MAP2: variants seen among roughly 807,000 people sequenced by gnomAD.
The protein encoded by MAP2 is microtubule-associated protein 2.
A neutral mutation model predicts 137.6 loss-of-function variants in MAP2; 14 were observed. The ratio of observed to expected loss-of-function variants is 0.10; its 90% CI spans 0.07 to 0.16. The LOEUF (loss-of-function observed/expected upper bound fraction) is 0.16. MAP2 is among the 10% of genes least tolerant of loss of function. The probability of loss-of-function intolerance (pLI) is 1.00; values close to 1 mark genes in which losing one functional copy is unlikely to be tolerated. For synonymous variants in MAP2, 786 were observed against 782.3 expected, an observed-to-expected ratio of 1.00 and a Z score of -0.08; for missense variants, 2,088 against 2,191.5, an observed-to-expected ratio of 0.95 and a Z score of 0.94.
chr2:209,597,418 G>A (rs2081570092), intron 3 of MAP2, among the ~76,000 whole-genome samples: 1 of 152,060 alleles, frequency 6.6e-6, no homozygotes, highest in Admixed American at 6.5e-5. Flanking sequence ...TTTCTAACCA[G>A]TCTTCAAATC....
At chr2:209,622,557 A>G (rs2091447099) in intron 3 of MAP2, among the ~76,000 whole-genome samples, 1 of 152,258 alleles carries the variant, frequency 6.6e-6, no homozygotes, top group Non-Finnish European at 1.5e-5. Flanking sequence ...TAAATTATGT[A>G]TAAATGTTTG....
chr2:209,695,321 A>C lies in MAP2; in HGVS notation c.3151A>C (p.Ser1051Arg), dbSNP rs1335081629. The change falls in exon 8 of 16, where the codon AGT becomes CGT. Residue 1051 changes from serine (S) to arginine (R), a missense_variant. Physicochemically the swap from Ser to Arg is moderately radical, Grantham distance 110. This residue lies in a region of MAP2 where 500 missense variants were observed against 482.9 expected (regional missense o/e 1.04). Transcript: ENST00000682079. ...CCAGGGTCAACTAGATGTTAAAATT[A>C]GTGACTTTGGACAGATGGCTTCAGG... Reference protein sequence around the residue: ...AVQGQLDVKISDFGQMASGLN... With the variant: ...AVQGQLDVKIRDFGQMASGLN... 6.2e-7 allele frequency: 1 copy of C among 1,613,960 alleles called. No individual in the cohort carries two copies. Among genetic ancestry groups the C allele is most frequent in the Non-Finnish European group, 8.5e-7 (1 of 1,179,996 alleles).
chr2:209,695,889 A>G lies in MAP2; in HGVS notation c.3719A>G (p.Glu1240Gly). Reference sequence around the variant, plus strand: ...ATTCAGAGTGAGGAAGAAGAGATAGAAGCCCAGGGAGAATATGATAAACTG... The same window carrying G: ...ATTCAGAGTGAGGAAGAAGAGATAGGAGCCCAGGGAGAATATGATAAACTG... The part of the protein sequence containing the change: ...AEIQSEEEEI[E>G]AQGEYDKLLF... Residue 1240 changes from glutamate to glycine, a missense_variant, in exon 8 of 16, where the codon GAA becomes GGA. Glu to Gly is a moderately conservative substitution (Grantham distance 98). Transcript: ENST00000682079. 8 of 1,614,134 alleles carry G rather than the reference A, an allele frequency of 5.0e-6. No individual in the cohort carries two copies. Among genetic ancestry groups the G allele is most frequent in the Non-Finnish European group, 6.8e-6 (8 of 1,180,014 alleles).
At chr2:209,456,162 C>A (rs922334366) in intron 1 of MAP2, among the ~76,000 whole-genome samples, 1 of 152,006 alleles carries the variant, frequency 6.6e-6, no homozygotes, top group African/African-American at 2.4e-5. Flanking sequence ...AAGGTACATC[C>A]GAGGTGCTAA....
At chr2:209,712,656 G>GA (rs34254147) in intron 13 of MAP2, among the ~76,000 whole-genome samples, 1 of 152,102 alleles carries the variant, frequency 6.6e-6, no homozygotes, top group Admixed American at 6.5e-5. Context: ...GTCTTTGTAG[G>GA]AAAAACATAT....
At chr2:209,595,845 T>C (rs2081135058) in intron 3 of MAP2, among the ~76,000 whole-genome samples, 1 of 152,090 alleles carries the variant, frequency 6.6e-6, no homozygotes, top group Admixed American at 6.5e-5. Flanking sequence ...CTGAGCAAAC[T>C]ATCACAAAGA....
intron 4 of MAP2, among the ~76,000 whole-genome samples, chr2:209,630,249 T>C (rs2092846983): frequency 6.6e-6 from 1 of 151,868 alleles, no homozygotes; most frequent in Admixed American, 6.6e-5. Context: ...GAACTAAACA[T>C]CAGCCAGGAA....
intron 4 of MAP2, among the ~76,000 whole-genome samples, chr2:209,626,745 T>A (rs1451881162): frequency 1.3e-5 from 2 of 152,214 alleles, no homozygotes; most frequent in Non-Finnish European, 2.9e-5. Flanking sequence ...ATGTAGAGAT[T>A]CTTTCATATC....
intron 9 of MAP2, 54 bp downstream of exon 9, chr2:209,696,802 T>G: frequency 6.4e-7 from 1 of 1,565,694 alleles, no homozygotes. Context: ...TCATTATTAC[T>G]TTTTTGCAGA....
rs777972905 is a variant in MAP2, at chr2:209,704,502, G to T, written c.4585-1078G>T. The T allele has an allele frequency of 6.8e-6, 11 of 1,612,806 alleles. No homozygotes were observed. In the South Asian group the frequency reaches 1.2e-4, roughly 18 times the overall value. On this transcript the variant is annotated intron_variant, in intron 11 of 15. Coordinates refer to ENST00000682079, the MANE Select transcript of MAP2 (RefSeq NM_001375505.1). ...TTACAGGGTAGCACAAAGTCCCCAA[G>T]ATACAGCTCAGCCTGCCCTAGCACG...
chr2:209,520,626 G>A (rs1319170140), intron 2 of MAP2, among the ~76,000 whole-genome samples: 1 of 151,924 alleles, frequency 6.6e-6, no homozygotes, highest in African/African-American at 2.4e-5. Context: ...AATTTCTAAT[G>A]AAAAGGGTGT....
intron 5 of MAP2, among the ~76,000 whole-genome samples, chr2:209,659,504 C>T (rs548781432): frequency 6.6e-6 from 1 of 152,266 alleles, no homozygotes; most frequent in Admixed American, 6.5e-5. Flanking sequence ...TTAGTTGCAG[C>T]AGTTATCGAT....
rs1050790329 is a variant in MAP2, at chr2:209,608,510, A to G, written c.-106-16543A>G. Among the ~76,000 whole-genome samples, 6 of 151,924 alleles carry G rather than the reference A, an allele frequency of 3.9e-5. No individual in the cohort carries two copies. In the East Asian group the frequency reaches 9.7e-4, roughly 24 times the overall value. On this transcript the variant is annotated intron_variant, in intron 3 of 15. Coordinates refer to ENST00000682079, the MANE Select transcript of MAP2 (RefSeq NM_001375505.1). ...CTATGTTGTCCAGGCTGGGAAATCT[A>G]TTTTTATTTGATTCTGCAATATTGA...
chr2:209,461,444 T>G (rs919558684), intron 1 of MAP2, among the ~76,000 whole-genome samples: 3 of 152,176 alleles, frequency 2.0e-5, no homozygotes, highest in Non-Finnish European at 2.9e-5. Flanking sequence ...CTGTTTAAAA[T>G]TCGTAGTTTA....
intron 2 of MAP2, among the ~76,000 whole-genome samples, chr2:209,518,572 C>T (rs369424381): frequency 5.9e-5 from 9 of 151,990 alleles, no homozygotes; most frequent in Non-Finnish European, 1.3e-4. Context: ...CTCTTCTTTT[C>T]TTCCTTCTTT....
chr2:209,593,335 A>T (rs1454707641), intron 3 of MAP2, among the ~76,000 whole-genome samples: 1 of 151,266 alleles, frequency 6.6e-6, no homozygotes, highest in East Asian at 1.9e-4. Context: ...TTTTTATTTT[A>T]TTAATTTGTA....
chr2:209,561,738 A>G (rs997390329), intron 2 of MAP2, among the ~76,000 whole-genome samples: 15 of 152,158 alleles, frequency 9.9e-5, no homozygotes, highest in African/African-American at 3.6e-4. Context: ...TGAATTACTC[A>G]GTCTTCAAAC....
intron 2 of MAP2, among the ~76,000 whole-genome samples, chr2:209,569,749 C>T (rs2074078401): frequency 6.6e-6 from 1 of 151,712 alleles, no homozygotes; most frequent in Non-Finnish European, 1.5e-5. Context: ...GGTGTTTTCT[C>T]ATGTAACGTT....
At chr2:209,476,369 T>C (rs1348863779) in intron 1 of MAP2, among the ~76,000 whole-genome samples, 1 of 150,772 alleles carries the variant, frequency 6.6e-6, no homozygotes, top group African/African-American at 2.4e-5. Context: ...AAACCTGTAG[T>C]AGTCCTCCCC....
Sources: gnomAD v4.1 joint callset for allele counts (sites outside exome capture counted in the v4.1 genomes callset) on GRCh38, gnomAD v4.1.1 for gene constraint, gnomAD v4.1.1 regional missense constraint, MANE v1.5 for transcripts, NCBI Gene and HGNC (gene_info 2026-07-23, HGNC 2026-07-21) for gene names.